The following LMTK2 variants were observed in gnomAD, a reference collection of about 807,000 sequenced individuals.
The protein encoded by LMTK2 is serine/threonine-protein kinase LMTK2.
In LMTK2, 37 loss-of-function variants were observed where a neutral mutation model predicts 127.5. That is an observed-to-expected ratio of 0.29 (90% CI 0.22 to 0.38). The LOEUF is 0.38. Among genes scored for constraint, LMTK2 ranks in the 10% least tolerant of loss-of-function variants. The pLI is 1.00. For missense variants in LMTK2, 1,694 were observed against 1,920.3 expected (o/e 0.88, Z 2.20); for synonymous variants, 819 against 810.1 (o/e 1.01, Z -0.19).
At chr7:98,123,649 T>C (rs968351877) in intron 1 of LMTK2, among the ~76,000 whole-genome samples, 1 of 152,150 alleles carries the variant, frequency 6.6e-6, no homozygotes, top group Admixed American at 6.5e-5. Flanking sequence ...GGATGCACAA[T>C]GGGCCCTTTG....
intron 5 of LMTK2, among the ~76,000 whole-genome samples, chr7:98,155,695 A>C (rs1046950711): frequency 6.6e-6 from 1 of 151,216 alleles, no homozygotes; most frequent in Non-Finnish European, 1.5e-5. Context: ...AATATCCTTC[A>C]GGAATGAAGG....
At chr7:98,117,728 A>G (rs1796307059) in intron 1 of LMTK2, among the ~76,000 whole-genome samples, 1 of 152,126 alleles carries the variant, frequency 6.6e-6, no homozygotes, top group Admixed American at 6.5e-5. Flanking sequence ...GCACTTTGGG[A>G]GGCCGAGGTG....
At chr7:98,139,562 C>T (rs1195900364) in intron 2 of LMTK2, among the ~76,000 whole-genome samples, 2 of 152,094 alleles carry the variant, frequency 1.3e-5, no homozygotes, top group Non-Finnish European at 2.9e-5. Flanking sequence ...ACAGAGAGAG[C>T]CCTATTTAGG....
intron 9 of LMTK2, among the ~76,000 whole-genome samples, chr7:98,189,837 C>G (rs1256739630): frequency 6.6e-6 from 1 of 152,108 alleles, no homozygotes; most frequent in Non-Finnish European, 1.5e-5. Context: ...CACACAGCTG[C>G]CAGCGTGATG....
intron 1 of LMTK2, among the ~76,000 whole-genome samples, chr7:98,121,225 C>A (rs187714850): frequency 6.6e-6 from 1 of 152,312 alleles, no homozygotes; most frequent in East Asian, 1.9e-4. Context: ...ACTCCAGCCA[C>A]TTCTCTGGAT....
chr7:98,155,079 G>T (rs1796909336), intron 5 of LMTK2, among the ~76,000 whole-genome samples: 1 of 152,164 alleles, frequency 6.6e-6, no homozygotes, highest in Admixed American at 6.5e-5. Context: ...AACCAGAAAA[G>T]ACAACAGATT....
intron 1 of LMTK2, among the ~76,000 whole-genome samples, chr7:98,110,807 A>G (rs975214362): frequency 6.6e-6 from 1 of 152,252 alleles, no homozygotes; most frequent in African/African-American, 2.4e-5. Context: ...GCAGCTCCAG[A>G]TAAAGGACCT....
chr7:98,184,595 T>C (rs575344723), intron 7 of LMTK2, among the ~76,000 whole-genome samples: 7 of 152,188 alleles, frequency 4.6e-5, no homozygotes, highest in Non-Finnish European at 7.3e-5. Context: ...ATGTGTTGAT[T>C]GATGTCTTAT....
intron 8 of LMTK2, 55 bp downstream of exon 8, chr7:98,185,190 T>C: frequency 8.0e-7 from 1 of 1,253,038 alleles, no homozygotes; most frequent in Non-Finnish European, 1.2e-6. Context: ...TGTGAAGTTG[T>C]AATGTCACCA....
chr7:98,140,106 C>CT (rs1288984764), intron 2 of LMTK2, among the ~76,000 whole-genome samples: 1 of 2,746 alleles, frequency 3.6e-4, no homozygotes, highest in Non-Finnish European at 7.0e-4. Flanking sequence ...TTCTTTCTTT[C>CT]TTTCTTTCTT....
At chr7:98,151,065 G>C (rs1796845169) in intron 3 of LMTK2, among the ~76,000 whole-genome samples, 1 of 152,150 alleles carries the variant, frequency 6.6e-6, no homozygotes, top group Non-Finnish European at 1.5e-5. Flanking sequence ...CATATGTCTA[G>C]GTGAGCTGTT....
At chr7:98,129,961 C>T (rs1005460742) in intron 1 of LMTK2, among the ~76,000 whole-genome samples, 2 of 151,946 alleles carry the variant, frequency 1.3e-5, no homozygotes, top group Admixed American at 6.6e-5. Context: ...TTCCATGGGC[C>T]GATGCACGGT....
intron 6 of LMTK2, among the ~76,000 whole-genome samples, chr7:98,168,445 A>G (rs775443347): frequency 3.9e-5 from 6 of 152,232 alleles, no homozygotes; most frequent in African/African-American, 7.2e-5. Context: ...CATGTCTTCT[A>G]TTTCATTAGC....
intron 7 of LMTK2, among the ~76,000 whole-genome samples, chr7:98,181,860 T>C (rs1489948589): frequency 2.0e-5 from 3 of 152,184 alleles, no homozygotes; most frequent in East Asian, 1.9e-4. Flanking sequence ...GGTTTCACCA[T>C]GTTGGCCAGG....
At chr7:98,180,832 T>A (rs908299589) in intron 7 of LMTK2, among the ~76,000 whole-genome samples, 3 of 152,214 alleles carry the variant, frequency 2.0e-5, no homozygotes, top group African/African-American at 4.8e-5. Context: ...ATTTTGCTAA[T>A]AGCATTTTAG....
At chr7:98,154,970 T>C in intron 5 of LMTK2, 94 bp downstream of exon 5, 1 of 730,104 alleles carries the variant, frequency 1.4e-6, no homozygotes, top group South Asian at 1.6e-5. Flanking sequence ...GCCTGTAACA[T>C]ACATGATTAA....
At chr7:98,109,482 A>G (rs1188611820) in intron 1 of LMTK2, among the ~76,000 whole-genome samples, 1 of 151,962 alleles carries the variant, frequency 6.6e-6, no homozygotes, top group Non-Finnish European at 1.5e-5. Flanking sequence ...AGTGGATCAC[A>G]CCTGTAATCC....
At position 98,194,259 on chromosome 7, in the gene LMTK2, A is replaced by T. The variant is rs1797590632; in HGVS notation, c.3794A>T (p.Tyr1265Phe). 1.2e-6 allele frequency: 2 copies of T among 1,614,034 alleles called. No homozygotes were observed. Among genetic ancestry groups the T allele is most frequent in the Non-Finnish European group, 1.7e-6 (2 of 1,180,026 alleles). ...AAGGAGCCGGACATCGAAGGGAAGT[A>T]CCTGGGGAAACTCGGGGTGTCAGGG... ...KLKEPDIEGKYLGKLGVSGML... is the reference protein window; with the variant it reads ...KLKEPDIEGKFLGKLGVSGML... The change falls in exon 11 of 14, where the codon TAC (tyrosine) becomes TTC (phenylalanine). Residue 1265 changes from tyrosine to phenylalanine, a missense_variant. This residue lies in a region of LMTK2 where 554 missense variants were observed against 567.7 expected (regional missense o/e 0.98). Coordinates refer to ENST00000297293, the MANE Select transcript of LMTK2 (RefSeq NM_014916.4). This position sits in a 1 kb window ranked among gnomAD's most constrained non-coding sequence, Gnocchi z 5.4.
At position 98,192,140 on chromosome 7, in the gene LMTK2, A is replaced by C; in HGVS notation, c.1675A>C (p.Ser559Arg). ...CTATTATATCCAGTTAGAAGAAAAA[A>C]GTGGTAGTAACTTGGAGCTTGATTA... ...SDYYIQLEEK[S>R]GSNLELDYPP... Residue 559 changes from serine to arginine, a missense_variant, in exon 11 of 14, where the codon AGT becomes CGT. This residue lies in a region of LMTK2 where 527 missense variants were observed against 539.8 expected (regional missense o/e 0.98). Coordinates refer to ENST00000297293, the MANE Select transcript of LMTK2 (RefSeq NM_014916.4). 6.5e-7 allele frequency: 1 copy of C among 1,531,550 alleles called. No individual in the cohort carries two copies. Among genetic ancestry groups the C allele is most frequent in the Non-Finnish European group, 8.7e-7 (1 of 1,142,882 alleles). The allele number at this position is 1,531,550 out of a possible 1,614,324, so 94.9% of individuals were successfully genotyped here.
Sources: gnomAD v4.1 joint callset for allele counts (sites outside exome capture counted in the v4.1 genomes callset) on GRCh38, gnomAD v4.1.1 for gene constraint, gnomAD v4.1.1 regional missense constraint, Gnocchi (gnomAD v3.1) non-coding constraint, MANE v1.5 for transcripts, NCBI Gene and HGNC (gene_info 2026-07-23, HGNC 2026-07-21) for gene names.